OPRD1: variants seen among roughly 807,000 people sequenced by gnomAD.
The protein encoded by OPRD1 is opioid receptor delta 1.
In OPRD1, 19 loss-of-function variants were observed where a neutral mutation model predicts 17.5. The ratio of observed to expected loss-of-function variants is 1.09; its 90% confidence interval spans 0.76 to 1.60. OPRD1 has a LOEUF of 1.60. Among genes scored for constraint, OPRD1 ranks in the 40% most tolerant of loss-of-function variants. The pLI is 0.00. For synonymous variants in OPRD1, 256 were observed against 240.9 expected (o/e 1.06, Z -0.58); for missense variants, 483 against 547.2 (o/e 0.88, Z 1.17).
intron 1 of OPRD1, among the ~76,000 whole-genome samples, chr1:28,824,752 G>T (rs1039113595): frequency 1.3e-5 from 2 of 152,164 alleles, no homozygotes; most frequent in Non-Finnish European, 2.9e-5. Flanking sequence ...AAGGAAACTT[G>T]AGGCTCAGAG....
At chr1:28,851,172 G>T (rs2088999646) in intron 1 of OPRD1, among the ~76,000 whole-genome samples, 1 of 152,108 alleles carries the variant, frequency 6.6e-6, no homozygotes, top group Non-Finnish European at 1.5e-5. Flanking sequence ...GACTACCAGG[G>T]ATAAAGAGAG....
At chr1:28,846,866 C>T (rs1569636740) in intron 1 of OPRD1, among the ~76,000 whole-genome samples, 1 of 54,560 alleles carries the variant, frequency 1.8e-5, no homozygotes, top group Admixed American at 2.2e-4. Context: ...TTCTTTCTTT[C>T]TTTCTTTCTT....
intron 1 of OPRD1, among the ~76,000 whole-genome samples, chr1:28,849,474 G>A (rs2088980152): frequency 6.6e-6 from 1 of 152,124 alleles, no homozygotes; most frequent in African/African-American, 2.4e-5. Context: ...AGTTGACAGA[G>A]CCCTCACACT....
At chr1:28,847,945 C>A (rs547582391) in intron 1 of OPRD1, among the ~76,000 whole-genome samples, 29 of 151,746 alleles carry the variant, frequency 1.9e-4, no homozygotes, top group Non-Finnish European at 3.7e-4. Context: ...ACAAAAAAAA[C>A]CCAGTTATTG....
At chr1:28,824,066 C>T (rs1221795023) in intron 1 of OPRD1, among the ~76,000 whole-genome samples, 1 of 150,926 alleles carries the variant, frequency 6.6e-6, no homozygotes, top group East Asian at 2.1e-4. Context: ...GTAATCCTAG[C>T]CACTCGGGAG....
intron 1 of OPRD1, among the ~76,000 whole-genome samples, chr1:28,829,948 A>G (rs559052590): frequency 2.6e-5 from 4 of 152,124 alleles, no homozygotes; most frequent in African/African-American, 7.2e-5. Context: ...AGCTCAAGCA[A>G]TCCTTCCAGC....
intron 1 of OPRD1, among the ~76,000 whole-genome samples, chr1:28,814,409 G>T (rs970204068): frequency 6.6e-6 from 1 of 152,156 alleles, no homozygotes; most frequent in Non-Finnish European, 1.5e-5. Context: ...ATAGCGAGGC[G>T]GAGGGATTTT....
intron 1 of OPRD1, among the ~76,000 whole-genome samples, chr1:28,851,060 G>A (rs1180899417): frequency 6.6e-6 from 1 of 152,020 alleles, no homozygotes; most frequent in East Asian, 1.9e-4. Flanking sequence ...ACCTAGGAGA[G>A]ATGGGGAAGG....
chr1:28,841,749 T>G (rs1302431110), intron 1 of OPRD1, among the ~76,000 whole-genome samples: 3 of 151,918 alleles, frequency 2.0e-5, no homozygotes, highest in Non-Finnish European at 4.4e-5. Context: ...AGTCTCGCTC[T>G]GTCACCCAGA....
intron 1 of OPRD1, among the ~76,000 whole-genome samples, chr1:28,850,205 G>T (rs1327894571): frequency 1.9e-5 from 2 of 106,486 alleles, no homozygotes; most frequent in Non-Finnish European, 4.5e-5. Context: ...TAAAAAGACA[G>T]GGGCCAGGCA....
At chr1:28,854,171 C>T (rs542996335) in intron 1 of OPRD1, among the ~76,000 whole-genome samples, 55 of 152,224 alleles carry the variant, frequency 3.6e-4, no homozygotes, top group Middle Eastern at 3.4e-3. Context: ...ACAGATGTGG[C>T]CAGACCCGGG....
chr1:28,847,876 T>A (rs2088967430), intron 1 of OPRD1, among the ~76,000 whole-genome samples: 1 of 151,788 alleles, frequency 6.6e-6, no homozygotes, highest in Non-Finnish European at 1.5e-5. Context: ...GAAAATCAAG[T>A]GTTGTGTTGG....
intron 1 of OPRD1, among the ~76,000 whole-genome samples, chr1:28,850,286 C>T (rs553198199): frequency 7.2e-5 from 11 of 152,058 alleles, no homozygotes; most frequent in Admixed American, 5.9e-4. Flanking sequence ...CCCAGGAGTT[C>T]GAGACCAGCC....
intron 1 of OPRD1, among the ~76,000 whole-genome samples, chr1:28,828,586 C>T (rs528999156): frequency 1.6e-4 from 24 of 150,446 alleles, no homozygotes; most frequent in African/African-American, 5.8e-4. Flanking sequence ...CTTTGGAAGC[C>T]GAAGAGGGAG....
intron 1 of OPRD1, among the ~76,000 whole-genome samples, chr1:28,829,185 C>T (rs113110862): frequency 2.6e-5 from 4 of 152,272 alleles, no homozygotes; most frequent in African/African-American, 7.2e-5. Context: ...GGACCAGCCT[C>T]TGCCACCTTC....
chr1:28,821,029 C>G, intron 1 of OPRD1, among the ~76,000 whole-genome samples: 1 of 152,042 alleles, frequency 6.6e-6, no homozygotes, highest in Admixed American at 6.6e-5. Flanking sequence ...GAGAAAAGAG[C>G]TTTTTCATTT....
chr1:28,819,924 G>A (rs1045928172), intron 1 of OPRD1, among the ~76,000 whole-genome samples: 3 of 152,114 alleles, frequency 2.0e-5, no homozygotes, highest in Non-Finnish European at 2.9e-5. Context: ...ACATCCCAGC[G>A]GTGCCATTTA....
At chr1:28,841,726 A>T (rs2088898483) in intron 1 of OPRD1, among the ~76,000 whole-genome samples, 2 of 151,180 alleles carry the variant, frequency 1.3e-5, no homozygotes, top group East Asian at 1.9e-4. Context: ...TATTATTATT[A>T]TTTTTGAAAC....
Position 28,859,074 on chromosome 1 carries a change from C to T in OPRD1, c.348C>T (p.Phe116=), listed in dbSNP as rs369267011. The change falls in exon 2 of 3, where the codon TTC becomes TTT. Residue 116 remains phenylalanine (F), a synonymous_variant. Coordinates refer to ENST00000234961, the MANE Select transcript of OPRD1 (RefSeq NM_000911.4). ...AGTACCTGATGGAGACGTGGCCCTT[C>T]GGCGAGCTGCTCTGCAAGGCTGTGC... The part of the protein sequence containing the change: ...SAKYLMETWP[F]GELLCKAVLS... 82 of 1,614,118 alleles carry T rather than the reference C, an allele frequency of 5.1e-5. No homozygotes were observed. The highest frequency in any genetic ancestry group is 8.3e-5 in the Admixed American group (5 of 60,014).
Sources: allele counts gnomAD v4.1 joint callset (sites outside exome capture counted in the v4.1 genomes callset), GRCh38; gene constraint gnomAD v4.1.1; transcripts MANE v1.5; gene names NCBI Gene and HGNC (gene_info 2026-07-23, HGNC 2026-07-21).